Variants in PCSK5 observed in about 807,000 individuals in gnomAD.
The protein encoded by PCSK5 is prohormone convertase 5.
A neutral mutation model predicts 233.2 loss-of-function variants in PCSK5; 129 were observed. That is an observed-to-expected ratio of 0.55 (90% CI 0.48 to 0.64). The LOEUF is 0.64. Among genes scored for constraint, PCSK5 ranks in the 30% least tolerant of loss-of-function variants. The pLI is 0.00. For missense variants in PCSK5, 2,076 were observed against 2,430.1 expected, an observed-to-expected ratio of 0.85 and a Z score of 3.06; for synonymous variants, 825 against 879.2, an observed-to-expected ratio of 0.94 and a Z score of 1.09.
At chr9:76,117,278 C>T (rs537957517) in intron 9 of PCSK5, among the ~76,000 whole-genome samples, 56 of 152,090 alleles carry the variant, frequency 3.7e-4, no homozygotes, top group South Asian at 4.2e-4. Flanking sequence ...TTGAACTTGG[C>T]TCCAATAGAG....
At chr9:76,011,897 A>G (rs1311257674) in intron 3 of PCSK5, among the ~76,000 whole-genome samples, 1 of 152,194 alleles carries the variant, frequency 6.6e-6, no homozygotes, top group Non-Finnish European at 1.5e-5. Flanking sequence ...GTATAAATTT[A>G]ATAACACATT....
intron 9 of PCSK5, among the ~76,000 whole-genome samples, chr9:76,125,555 G>C (rs945738926): frequency 1.2e-4 from 18 of 152,150 alleles, no homozygotes; most frequent in Non-Finnish European, 7.4e-5. Context: ...CTGTCATGAA[G>C]AATAGATGAA....
chr9:76,351,657 GAGAAAGAA>G (rs1205485720), intron 36 of PCSK5, among the ~76,000 whole-genome samples: 23 of 97,796 alleles, frequency 2.4e-4, no homozygotes, highest in Admixed American at 1.1e-3. Flanking sequence ...GAAAGAGAGA[GAGAAAGAA>G]AGAAAGAAAG....
At chr9:76,325,900 GTGC>G (rs1309479792) in intron 32 of PCSK5, among the ~76,000 whole-genome samples, 4 of 151,954 alleles carry the variant, frequency 2.6e-5, no homozygotes, top group African/African-American at 9.7e-5. Flanking sequence ...GCCTCCCAAA[GTGC>G]TGGGATTACA....
intron 24 of PCSK5, among the ~76,000 whole-genome samples, chr9:76,261,756 C>G (rs1212657872): frequency 6.6e-6 from 1 of 152,124 alleles, no homozygotes; most frequent in Non-Finnish European, 1.5e-5. Flanking sequence ...GTATTTTATT[C>G]TCTTTGAAGC....
intron 24 of PCSK5, among the ~76,000 whole-genome samples, chr9:76,253,534 T>C (rs748210251): frequency 1.3e-5 from 2 of 152,244 alleles, no homozygotes; most frequent in Non-Finnish European, 2.9e-5. Flanking sequence ...TGCAGTTTCA[T>C]TGTCCCTTAC....
intron 20 of PCSK5, among the ~76,000 whole-genome samples, chr9:76,206,597 G>T (rs1011994761): frequency 1.3e-5 from 2 of 152,186 alleles, no homozygotes; most frequent in African/African-American, 4.8e-5. Flanking sequence ...GTCCACAAGG[G>T]CAATGCTAAG....
chr9:76,281,410 T>C (rs1414093097), intron 24 of PCSK5, among the ~76,000 whole-genome samples: 1 of 152,216 alleles, frequency 6.6e-6, no homozygotes, highest in Non-Finnish European at 1.5e-5. Flanking sequence ...CTGCCTGTGG[T>C]CCATAAATGA....
intron 20 of PCSK5, among the ~76,000 whole-genome samples, chr9:76,197,333 TCA>T (rs1382077793): frequency 1.3e-5 from 2 of 152,164 alleles, no homozygotes; most frequent in African/African-American, 4.8e-5. Context: ...CAGAGGCTTG[TCA>T]CACTGCTGAT....
intron 24 of PCSK5, among the ~76,000 whole-genome samples, chr9:76,263,292 G>A (rs941338382): frequency 2.6e-5 from 4 of 152,142 alleles, no homozygotes; most frequent in African/African-American, 9.7e-5. Context: ...ATAACCAAAG[G>A]ACTATAAATC....
intron 24 of PCSK5, among the ~76,000 whole-genome samples, chr9:76,290,132 C>T (rs1828232541): frequency 2.0e-5 from 3 of 152,094 alleles, no homozygotes; most frequent in Admixed American, 1.3e-4. Flanking sequence ...GTAAGCTGCC[C>T]AAATATAAGC....
chr9:76,286,898 T>C, intron 24 of PCSK5: 1 of 233,766 alleles, frequency 4.3e-6, no homozygotes, highest in Non-Finnish European at 8.2e-6. Flanking sequence ...GTGATTAACT[T>C]ATTAAAGGAC....
intron 24 of PCSK5, among the ~76,000 whole-genome samples, chr9:76,262,229 C>T (rs1327096053): frequency 6.6e-6 from 1 of 152,058 alleles, no homozygotes; most frequent in African/African-American, 2.4e-5. Flanking sequence ...TCAATGCCAT[C>T]CCCATCAAGC....
At chr9:76,213,124 T>G (rs1825392271) in intron 20 of PCSK5, among the ~76,000 whole-genome samples, 1 of 152,192 alleles carries the variant, frequency 6.6e-6, no homozygotes, top group African/African-American at 2.4e-5. Flanking sequence ...ACCGACCTAC[T>G]CAAAACCATG....
chr9:76,266,516 A>T (rs186450349), intron 24 of PCSK5, among the ~76,000 whole-genome samples: 1 of 152,322 alleles, frequency 6.6e-6, no homozygotes, highest in Admixed American at 6.5e-5. Flanking sequence ...TGATGTTCAC[A>T]GCAGTGTTTT....
At chr9:76,002,911 T>G (rs1401717943) in intron 3 of PCSK5, among the ~76,000 whole-genome samples, 3 of 152,154 alleles carry the variant, frequency 2.0e-5, no homozygotes, top group Non-Finnish European at 2.9e-5. Flanking sequence ...AGTCCTCAGT[T>G]CAAGTCTAAT....
chr9:76,103,495 C>T lies in PCSK5; in HGVS notation c.1108-3756C>T, dbSNP rs147425855. Among the ~76,000 whole-genome samples the T allele has an allele frequency of 4.0e-3, 606 of 152,190 alleles. 6 individuals carry two copies. The highest frequency in any genetic ancestry group is 0.014 in the African/African-American group (570 of 41,522). On this transcript the variant is annotated intron_variant, in intron 8 of 37. Transcript: ENST00000674117. ...TGAACTGAGATTCCCTGGAGAATTACATCAACAGGCTAAAATCAAAGGTCC... is the reference window on the plus strand; with the variant it reads ...TGAACTGAGATTCCCTGGAGAATTATATCAACAGGCTAAAATCAAAGGTCC...
intron 21 of PCSK5, among the ~76,000 whole-genome samples, chr9:76,229,110 G>A (rs778025286): frequency 2.0e-5 from 3 of 152,200 alleles, no homozygotes; most frequent in Non-Finnish European, 4.4e-5. Flanking sequence ...TGCTAACCAT[G>A]AGCATATTTT....
intron 3 of PCSK5, among the ~76,000 whole-genome samples, chr9:76,012,089 G>T (rs183590645): frequency 6.6e-6 from 1 of 152,170 alleles, no homozygotes; most frequent in Non-Finnish European, 1.5e-5. Context: ...GTATCTAAAA[G>T]GCATTGAATA....
Sources: allele counts gnomAD v4.1 joint callset (sites outside exome capture counted in the v4.1 genomes callset), GRCh38; gene constraint gnomAD v4.1.1; transcripts MANE v1.5; gene names NCBI Gene and HGNC (gene_info 2026-07-23, HGNC 2026-07-21).